The following HMGN5 variants were observed in gnomAD, a reference collection of about 807,000 sequenced individuals.
HMGN5 encodes high mobility group nucleosome binding domain 5, also known as high mobility group nucleosome-binding domain-containing protein 5.
Under a neutral mutation model 9.5 loss-of-function variants are expected in HMGN5, and 4 were observed. That is an observed-to-expected ratio of 0.42 (90% CI 0.21 to 0.96). The LOEUF (loss-of-function observed/expected upper bound fraction) is 0.96, where lower values mean the gene tolerates loss of function less well. Ranked by LOEUF, HMGN5 falls within the 40% of genes least tolerant of loss-of-function variation. The pLI is 0.30. For synonymous variants in HMGN5, 55 were observed against 57.1 expected (o/e 0.96, Z 0.16); for missense variants, 192 against 187.5 (o/e 1.02, Z -0.14).
At chrX:81,141,249 G>A (rs969226134) in intron 1 of HMGN5, among the ~76,000 whole-genome samples, 2 of 111,881 alleles carry the variant, frequency 1.8e-5, no homozygotes, top group African/African-American at 6.5e-5. Flanking sequence ...TCACCCTGCA[G>A]GGAAGGACAC....
chrX:81,163,933 G>A (rs1230035790), intron 1 of HMGN5, among the ~76,000 whole-genome samples: 1 of 111,361 alleles, frequency 9.0e-6, no homozygotes, highest in East Asian at 2.8e-4. Context: ...CAGGGGCATG[G>A]CAAAGAACTA....
intron 1 of HMGN5, among the ~76,000 whole-genome samples, chrX:81,144,532 G>A (rs903278391): frequency 1.8e-5 from 2 of 111,986 alleles, no homozygotes; most frequent in Non-Finnish European, 3.8e-5. Flanking sequence ...ATAAATCCAC[G>A]AAGATGAGGA....
chrX:81,126,471 T>G (rs944614648), intron 1 of HMGN5, among the ~76,000 whole-genome samples: 3 of 111,800 alleles, frequency 2.7e-5, no homozygotes, highest in Non-Finnish European at 5.6e-5. Flanking sequence ...ACTTTTTACC[T>G]TATTCCTTTA....
At chrX:81,120,420 T>TGTAG (rs2075265492) in intron 2 of HMGN5, among the ~76,000 whole-genome samples, 1 of 111,345 alleles carries the variant, frequency 9.0e-6, no homozygotes, top group African/African-American at 3.3e-5. Context: ...CAAGACCTAC[T>TGTAG]GCACAAGTAT....
rs190123431 is a variant in HMGN5 at position 81,199,739 on chromosome X, A to G, written c.-124+1998T>C. Among the ~76,000 whole-genome samples the G allele has an allele frequency of 3.3e-3, 371 of 112,439 alleles. 2 individuals are homozygous for G. Among genetic ancestry groups the G allele is most frequent in the African/African-American group, 0.011 (354 of 30,963 alleles). ...TACAAAAATTGACTCAAGATGGATT[A>G]AAGATTTAAATGTAAGACCTAACAC... On this transcript the variant is annotated intron_variant, in intron 1 of 6. Transcript: ENST00000358130.
rs755232422 is a variant in HMGN5, at chrX:81,154,452, G to C, written c.-123-32780C>G. Among the ~76,000 whole-genome samples the C allele has an allele frequency of 1.2e-4, 13 of 111,254 alleles. No homozygotes were observed. The East Asian group carries it at 3.4e-3, about 29-fold the overall frequency. On this transcript the variant is annotated intron_variant, in intron 1 of 6. Transcript: ENST00000358130. ...AGAAACTCCCCACGACAACAGACCA[G>C]GCAAAAATTTCTTGAGCATTATCTC...
chrX:81,171,377 C>G (rs1300802115), intron 1 of HMGN5, among the ~76,000 whole-genome samples: 2 of 111,411 alleles, frequency 1.8e-5, no homozygotes, highest in Non-Finnish European at 3.8e-5. Context: ...AACTTTCTTT[C>G]AAATAGAAAC....
At chrX:81,124,525 A>T (rs756769032) in intron 1 of HMGN5, among the ~76,000 whole-genome samples, 1 of 112,140 alleles carries the variant, frequency 8.9e-6, no homozygotes, top group Non-Finnish European at 1.9e-5. Context: ...AGCAAGCTTG[A>T]TTTTTCCTTT....
chrX:81,114,982 C>A lies in HMGN5; in HGVS notation c.516G>T (p.Glu172Asp), dbSNP rs1487687820. ...CTTCACCTTTTTTTCCATCTTCTTT[C>A]TCTTTTGCATCTTCTCCTTTCTCAT... ...NGNEKGEDAK[E>D]KEDGKKGEDG... The change falls in exon 7 of 7, where the codon GAG becomes GAT. Residue 172 changes from glutamate to aspartate, a missense_variant. By Grantham distance (45) the Glu-to-Asp change is conservative. Coordinates refer to ENST00000358130, the MANE Select transcript of HMGN5 (RefSeq NM_030763.3). 1.7e-6 allele frequency: 2 copies of A among 1,147,907 alleles called. No homozygotes were observed. Among genetic ancestry groups the A allele is most frequent in the African/African-American group, 3.7e-5 (2 of 53,886 alleles). 94.6% of individuals were successfully genotyped at this position (1,147,907 alleles called of 1,213,427 possible). A position where few individuals can be genotyped will look rare whatever the true frequency, so the allele number is the denominator to read the frequency against.
At chrX:81,192,380 G>A in intron 1 of HMGN5, among the ~76,000 whole-genome samples, 1 of 111,475 alleles carries the variant, frequency 9.0e-6, no homozygotes, top group Non-Finnish European at 1.9e-5. Context: ...TTCTTTAAAT[G>A]TTTGGTAAAT....
chrX:81,171,326 C>T (rs1047818242), intron 1 of HMGN5, among the ~76,000 whole-genome samples: 2 of 111,359 alleles, frequency 1.8e-5, no homozygotes, highest in Non-Finnish European at 3.8e-5. Flanking sequence ...AAGTTAACAC[C>T]TGAAAATATG....
At position 81,153,051 on chromosome X, in the gene HMGN5, C is replaced by T. The variant is rs759349476; in HGVS notation, c.-123-31379G>A. On this transcript the variant is annotated intron_variant, in intron 1 of 6. Transcript: ENST00000358130. Reference sequence around the variant, plus strand: ...GGGAGATATACCTAATGCTAAAGGACGAGTTAATGGGTGCAGCACACCAGC... The same window carrying T: ...GGGAGATATACCTAATGCTAAAGGATGAGTTAATGGGTGCAGCACACCAGC... 7.3e-4 allele frequency among the ~76,000 whole-genome samples: 76 copies of T among 104,465 alleles called. No individual in the cohort carries two copies. In the South Asian group the frequency reaches 0.012, roughly 17 times the overall value. 90.7% of individuals were successfully genotyped at this position (104,465 alleles called of 115,157 possible). A position where few individuals can be genotyped will look rare whatever the true frequency, so the allele number is the denominator to read the frequency against.
intron 3 of HMGN5, 54 bp from the exon 4 acceptor site, chrX:81,118,813 A>G: frequency 1.1e-6 from 1 of 872,192 alleles, no homozygotes; most frequent in Non-Finnish European, 1.6e-6. Context: ...AAAAAGCTAG[A>G]ATTATTTTTA....
At chrX:81,118,859 T>A in intron 3 of HMGN5, 100 bp from the exon 4 acceptor site, 1 of 522,990 alleles carries the variant, frequency 1.9e-6, no homozygotes. Context: ...AATACATAAA[T>A]ATTGTCATTA....
In HMGN5 at chrX:81,156,089, C is replaced by T. The variant is rs1370741864; in HGVS notation, c.-123-34417G>A. ...TCCATAGTTCTCTCAACAAAAATTT[C>T]AATTAAAAAAATGGATGAGTTTGGC... On this transcript the variant is annotated intron_variant, in intron 1 of 6. Coordinates refer to ENST00000358130, the MANE Select transcript of HMGN5 (RefSeq NM_030763.3). Among the ~76,000 whole-genome samples, 4 of 111,672 alleles carry T rather than the reference C, an allele frequency of 3.6e-5. No homozygotes were observed. The East Asian group carries it at 1.1e-3, about 31-fold the overall frequency.
chrX:81,183,031 T>G (rs1317894771), intron 1 of HMGN5, among the ~76,000 whole-genome samples: 1 of 111,843 alleles, frequency 8.9e-6, no homozygotes, highest in Non-Finnish European at 1.9e-5. Context: ...AGGTCTCAGA[T>G]GAAGATAAGA....
At chrX:81,134,469 C>G (rs1316295667) in intron 1 of HMGN5, among the ~76,000 whole-genome samples, 2 of 110,928 alleles carry the variant, frequency 1.8e-5, no homozygotes, top group Non-Finnish European at 3.8e-5. Flanking sequence ...GTGTACAGTT[C>G]AGTATGTTTT....
chrX:81,177,862 G>C (rs1186196138), intron 1 of HMGN5, among the ~76,000 whole-genome samples: 1 of 111,825 alleles, frequency 8.9e-6, no homozygotes, highest in Non-Finnish European at 1.9e-5. Context: ...ACAACAAACT[G>C]TCTCTCAGAC....
chrX:81,177,367 C>CAAAAAAAAAAAAAAAAAA lies in HMGN5; in HGVS notation c.-124+24352_-124+24369dup, dbSNP rs148090852. Among the ~76,000 whole-genome samples the CAAAAAAAAAAAAAAAAAA allele has an allele frequency of 2.8e-3, 30 of 10,682 alleles. 2 individuals are homozygous for CAAAAAAAAAAAAAAAAAA. Among genetic ancestry groups the CAAAAAAAAAAAAAAAAAA allele is most frequent in the Admixed American group, 6.1e-3 (3 of 492 alleles). 9.3% of individuals were successfully genotyped at this position (10,682 alleles called of 115,157 possible). On this transcript the variant is annotated intron_variant, in intron 1 of 6. Transcript: ENST00000358130. Reference sequence around the variant, plus strand: ...GAAGATCTACCAAGCAAATGGAAAGCAAAAAAAAAAAAAAAAAAAAAAAAA... The same window carrying CAAAAAAAAAAAAAAAAAA: ...GAAGATCTACCAAGCAAATGGAAAGCAAAAAAAAAAAAAAAAAAAAAAAAAAAAAAAAAAAAAAAAAAA...
Sources: allele counts gnomAD v4.1 joint callset (sites outside exome capture counted in the v4.1 genomes callset), GRCh38; gene constraint gnomAD v4.1.1; transcripts MANE v1.5; gene names NCBI Gene and HGNC (gene_info 2026-07-23, HGNC 2026-07-21).